ASTN2: variants seen among roughly 807,000 people sequenced by gnomAD.
The protein encoded by ASTN2 is astrotactin-2.
ASTN2 carries 54 observed loss-of-function variants against 139.8 expected under a neutral mutation model. That is an observed-to-expected ratio of 0.39 (90% CI 0.31 to 0.48). The LOEUF (loss-of-function observed/expected upper bound fraction) is 0.48. Ranked by LOEUF, ASTN2 falls within the 20% of genes least tolerant of loss-of-function variation. The pLI is 0.95. For synonymous variants in ASTN2, 756 were observed against 719.5 expected, an observed-to-expected ratio of 1.05 and a Z score of -0.81; for missense variants, 1,565 against 1,725.1, an observed-to-expected ratio of 0.91 and a Z score of 1.64.
rs1201387552 is a variant in ASTN2, at chr9:116,424,747, A to G, written c.*1104T>C. 6.6e-6 allele frequency among the ~76,000 whole-genome samples: 1 copy of G among 151,714 alleles called. No individual in the cohort carries two copies. Among genetic ancestry groups the G allele is most frequent in the Non-Finnish European group, 1.5e-5 (1 of 67,920 alleles). ...CAGGCACGTGCCACCATGCCCTGCT[A>G]TTTTTTATTTTTTGTATTGTTAGTA... On this transcript the variant is annotated 3_prime_UTR_variant, in exon 23 of 23. Coordinates refer to ENST00000313400, the MANE Select transcript of ASTN2 (RefSeq NM_001365068.1).
At chr9:117,188,006 G>A (rs1035892658) in intron 3 of ASTN2, among the ~76,000 whole-genome samples, 8 of 152,218 alleles carry the variant, frequency 5.3e-5, no homozygotes, top group Middle Eastern at 3.4e-3. Context: ...TAGATATTTT[G>A]AGGTGGGTAA....
At chr9:116,615,435 T>C (rs558137152) in intron 19 of ASTN2, among the ~76,000 whole-genome samples, 3 of 152,224 alleles carry the variant, frequency 2.0e-5, no homozygotes, top group East Asian at 1.9e-4. Flanking sequence ...CGTATGTTTA[T>C]TGTGGCACTA....
At chr9:117,367,974 A>ACAACTTC (rs1324282191) in intron 1 of ASTN2, among the ~76,000 whole-genome samples, 1 of 152,132 alleles carries the variant, frequency 6.6e-6, no homozygotes, top group Non-Finnish European at 1.5e-5. Context: ...CTTTTCACAA[A>ACAACTTC]CAACTTCCAC....
At chr9:117,072,535 C>G (rs549752618) in intron 5 of ASTN2, among the ~76,000 whole-genome samples, 21 of 152,156 alleles carry the variant, frequency 1.4e-4, no homozygotes, top group African/African-American at 3.4e-4. Context: ...AAGAATGAAT[C>G]AAGGATAGAG....
intron 5 of ASTN2, among the ~76,000 whole-genome samples, chr9:117,050,158 T>C (rs1587904344): frequency 6.6e-6 from 1 of 151,814 alleles, no homozygotes; most frequent in Non-Finnish European, 1.5e-5. Flanking sequence ...AATTGGAGGG[T>C]GGCAAAGAAG....
At chr9:116,752,928 GT>G (rs1294170910) in intron 13 of ASTN2, among the ~76,000 whole-genome samples, 1 of 152,192 alleles carries the variant, frequency 6.6e-6, no homozygotes, top group East Asian at 1.9e-4. Flanking sequence ...ATGCAAAATG[GT>G]ACAGCCACTT....
At chr9:117,150,927 T>C (rs1830313716) in intron 3 of ASTN2, among the ~76,000 whole-genome samples, 1 of 152,124 alleles carries the variant, frequency 6.6e-6, no homozygotes, top group Non-Finnish European at 1.5e-5. Flanking sequence ...GGTCTTGAAC[T>C]CCTGGCCTCA....
At chr9:116,963,626 G>T (rs1251464095) in intron 10 of ASTN2, among the ~76,000 whole-genome samples, 1 of 152,124 alleles carries the variant, frequency 6.6e-6, no homozygotes, top group Non-Finnish European at 1.5e-5. Context: ...ACGATAGAGA[G>T]GCATGACCAT....
chr9:116,891,431 A>C (rs932838922), intron 10 of ASTN2, among the ~76,000 whole-genome samples: 3 of 152,226 alleles, frequency 2.0e-5, no homozygotes, highest in Non-Finnish European at 2.9e-5. Flanking sequence ...TCAAGTGTTT[A>C]CTATGTGTCA....
intron 17 of ASTN2, among the ~76,000 whole-genome samples, chr9:116,632,252 G>GAAAGAAGGAAAGAAA (rs1856833378): frequency 8.5e-5 from 6 of 70,898 alleles, no homozygotes; most frequent in African/African-American, 1.4e-4. Flanking sequence ...AAAGAAAGAA[G>GAAAGAAGGAAAGAAA]GAAAGAAAGA....
intron 17 of ASTN2, among the ~76,000 whole-genome samples, chr9:116,650,291 A>G (rs552272703): frequency 7.2e-5 from 11 of 152,302 alleles, no homozygotes; most frequent in African/African-American, 2.6e-4. Flanking sequence ...TGCATTTGGA[A>G]AAAGTGTTCC....
At chr9:116,997,032 G>C (rs4475577) in intron 7 of ASTN2, among the ~76,000 whole-genome samples, 138,242 of 152,188 alleles carry the variant, frequency 0.91, 64,147 homozygotes, top group Non-Finnish European at 1. Flanking sequence ...AGAAATACCT[G>C]AGGCTACCTT....
chr9:117,087,476 C>T (rs1828597408), intron 5 of ASTN2, among the ~76,000 whole-genome samples: 1 of 152,144 alleles, frequency 6.6e-6, no homozygotes, highest in Admixed American at 6.5e-5. Flanking sequence ...AATCCACCCA[C>T]CCTGGCCTCC....
chr9:116,444,525 T>C (rs112959531), intron 20 of ASTN2, among the ~76,000 whole-genome samples: 3,378 of 152,278 alleles, frequency 0.022, 133 homozygotes, highest in African/African-American at 0.077. Context: ...GCTGCCATTT[T>C]ATTGCTCCCA....
chr9:117,066,348 T>G (rs1012595936), intron 5 of ASTN2, among the ~76,000 whole-genome samples: 1 of 148,962 alleles, frequency 6.7e-6, no homozygotes, highest in Non-Finnish European at 1.5e-5. Context: ...GGACATGAAC[T>G]CAACATTTCT....
chr9:116,760,934 C>T (rs982783873), intron 13 of ASTN2, among the ~76,000 whole-genome samples: 9 of 152,222 alleles, frequency 5.9e-5, no homozygotes, highest in African/African-American at 2.2e-4. Flanking sequence ...GGGGAGGACG[C>T]GGAGGTGGGG....
intron 13 of ASTN2, among the ~76,000 whole-genome samples, chr9:116,799,598 G>A (rs903112362): frequency 6.7e-6 from 1 of 150,350 alleles, no homozygotes; most frequent in Non-Finnish European, 1.5e-5. Flanking sequence ...GAGACACCAG[G>A]TTCAATAATA....
At chr9:116,642,132 C>CCAAAAAAAAAAAAAAAAA (rs1554724602) in intron 17 of ASTN2, among the ~76,000 whole-genome samples, 3 of 48,930 alleles carry the variant, frequency 6.1e-5, no homozygotes, top group African/African-American at 2.3e-4. Flanking sequence ...TCCCAACCCA[C>CCAAAAAAAAAAAAAAAAA]AAAAAAAAAA....
intron 11 of ASTN2, among the ~76,000 whole-genome samples, chr9:116,837,214 G>A (rs1832029235): frequency 6.6e-6 from 1 of 152,188 alleles, no homozygotes; most frequent in African/African-American, 2.4e-5. Context: ...AAGGGAGTGA[G>A]TCAGCCTAAT....
Sources: gnomAD v4.1 joint callset for allele counts (sites outside exome capture counted in the v4.1 genomes callset) on GRCh38, gnomAD v4.1.1 for gene constraint, MANE v1.5 for transcripts, NCBI Gene and HGNC (gene_info 2026-07-23, HGNC 2026-07-21) for gene names.